VPS13B: variants seen among roughly 807,000 people sequenced by gnomAD.
VPS13B encodes the protein vacuolar protein sorting 13 homolog B.
VPS13B carries 285 observed loss-of-function variants against 426.4 expected under a neutral mutation model. The observed-to-expected ratio is 0.67, with a 90% CI of 0.61 to 0.74. The LOEUF (loss-of-function observed/expected upper bound fraction) is 0.74. VPS13B is among the 30% of genes least tolerant of loss of function. The pLI, the probability that VPS13B is intolerant of heterozygous loss-of-function variation, is 0.00. For synonymous variants in VPS13B, 1,676 were observed against 1,676.4 expected, an observed-to-expected ratio of 1.00 and a Z score of 0.01; for missense variants, 4,537 against 4,782.6, an observed-to-expected ratio of 0.95 and a Z score of 1.51.
Position 99,875,825 on chromosome 8 carries a change from C to A in VPS13B, c.*159C>A. Reference sequence around the variant, plus strand: ...AGCTACGACTGCAAGCACCTGCCACCATAAAGGGCTGCATTTTGCCACCAT... The same window carrying A: ...AGCTACGACTGCAAGCACCTGCCACAATAAAGGGCTGCATTTTGCCACCAT... On this transcript the variant is annotated 3_prime_UTR_variant, in exon 62 of 62. Coordinates refer to ENST00000357162, the MANE Select transcript of VPS13B (RefSeq NM_152564.5). 1.1e-6 allele frequency: 1 copy of A among 904,264 alleles called. No individual in the cohort carries two copies. Among genetic ancestry groups the A allele is most frequent in the Non-Finnish European group, 1.7e-6 (1 of 595,796 alleles). 56.0% of individuals were successfully genotyped at this position (904,264 alleles called of 1,614,324 possible). A position where few individuals can be genotyped will look rare whatever the true frequency, so the allele number is the denominator to read the frequency against.
chr8:99,348,748 A>G (rs1374770373), intron 19 of VPS13B, among the ~76,000 whole-genome samples: 1 of 152,148 alleles, frequency 6.6e-6, no homozygotes, highest in Non-Finnish European at 1.5e-5. Flanking sequence ...TTTTTCAGTA[A>G]TTTATAGTGT....
At chr8:99,254,114 C>G (rs941982117) in intron 17 of VPS13B, among the ~76,000 whole-genome samples, 1 of 152,274 alleles carries the variant, frequency 6.6e-6, no homozygotes, top group East Asian at 1.9e-4. Flanking sequence ...TCTGTGTACT[C>G]TATTTTTGCT....
At chr8:99,486,187 T>C (rs1820299648) in intron 25 of VPS13B, among the ~76,000 whole-genome samples, 1 of 152,120 alleles carries the variant, frequency 6.6e-6, no homozygotes. Context: ...ATATAAGTAG[T>C]ATGCACGACG....
chr8:99,418,096 C>T (rs1816135725), intron 21 of VPS13B, among the ~76,000 whole-genome samples: 1 of 152,074 alleles, frequency 6.6e-6, no homozygotes, highest in Admixed American at 6.5e-5. Flanking sequence ...AATCTCAAAG[C>T]TTCTTCAAAT....
intron 22 of VPS13B, among the ~76,000 whole-genome samples, chr8:99,436,519 CATA>C (rs1796311971): frequency 6.6e-6 from 1 of 152,074 alleles, no homozygotes; most frequent in Non-Finnish European, 1.5e-5. Context: ...TATCAGTTAA[CATA>C]ATCATTGCAG....
chr8:99,831,104 G>A (rs111370439), intron 51 of VPS13B, among the ~76,000 whole-genome samples: 1,326 of 103,396 alleles, frequency 0.013, 22 homozygotes, highest in African/African-American at 0.046. Context: ...ATAGAGTCTC[G>A]CCCTGTCACC....
intron 23 of VPS13B, among the ~76,000 whole-genome samples, chr8:99,451,667 T>A (rs1044178690): frequency 2.0e-5 from 3 of 152,230 alleles, no homozygotes; most frequent in African/African-American, 7.2e-5. Context: ...ATACATTTTC[T>A]TTCCTTGGTC....
chr8:99,319,238 G>A (rs75685971), intron 19 of VPS13B, among the ~76,000 whole-genome samples: 9,464 of 152,180 alleles, frequency 0.062, 393 homozygotes, highest in African/African-American at 0.12. Context: ...GTGTATATGT[G>A]TTGCATATTG....
At chr8:99,605,389 T>C (rs1027097548) in intron 33 of VPS13B, among the ~76,000 whole-genome samples, 6 of 152,182 alleles carry the variant, frequency 3.9e-5, no homozygotes, top group African/African-American at 1.4e-4. Context: ...TCTAATTTTG[T>C]GAAATTTGAG....
rs75764433 is a variant in VPS13B at position 99,447,253 on chromosome 8, G to T, written c.3445+4618G>T. ...CAGAACCATTTGAAACTAAATTCTT[G>T]ATAAAAGGTTTTTATGCCACTTAGA... On this transcript the variant is annotated intron_variant, in intron 23 of 61. Coordinates refer to ENST00000357162, the MANE Select transcript of VPS13B (RefSeq NM_152564.5). Among the ~76,000 whole-genome samples, 586 of 152,224 alleles carry T rather than the reference G, an allele frequency of 3.8e-3. 5 individuals are homozygous for T. Among genetic ancestry groups the T allele is most frequent in the African/African-American group, 0.013 (521 of 41,562 alleles).
intron 19 of VPS13B, among the ~76,000 whole-genome samples, chr8:99,360,340 C>T (rs1465000459): frequency 4.0e-5 from 6 of 149,544 alleles, no homozygotes; most frequent in Middle Eastern, 3.4e-3. Flanking sequence ...TGCAGTGGCA[C>T]GATCTCAGCT....
At chr8:99,163,450 G>T (rs1811793461) in intron 15 of VPS13B, among the ~76,000 whole-genome samples, 1 of 152,230 alleles carries the variant, frequency 6.6e-6, no homozygotes. Flanking sequence ...GGAATAGGGG[G>T]TGGTGCTCGT....
chr8:99,521,093 GTAGAAA>G, intron 30 of VPS13B, 83 bp downstream of exon 30: 1 of 1,102,320 alleles, frequency 9.1e-7, no homozygotes, highest in African/African-American at 1.5e-5. Flanking sequence ...AGTGTGGCCT[GTAGAAA>G]TATTTCTCAT....
chr8:99,558,673 C>T (rs1007067107), intron 31 of VPS13B, among the ~76,000 whole-genome samples: 2 of 151,892 alleles, frequency 1.3e-5, no homozygotes, highest in Non-Finnish European at 2.9e-5. Flanking sequence ...GGTTTTCTGT[C>T]CTTGCAATAG....
intron 30 of VPS13B, chr8:99,536,808 T>A (rs373749237): frequency 9.8e-5 from 51 of 521,134 alleles, no homozygotes; most frequent in Middle Eastern, 6.4e-4. Flanking sequence ...ACAACCTCAG[T>A]GTTTCCAGGT....
intron 19 of VPS13B, among the ~76,000 whole-genome samples, chr8:99,306,098 A>C (rs1219271742): frequency 6.6e-6 from 1 of 152,116 alleles, no homozygotes; most frequent in East Asian, 1.9e-4. Context: ...TGGATTCTTT[A>C]AGTCAATTTA....
At chr8:99,084,647 T>C (rs1052582208) in intron 3 of VPS13B, among the ~76,000 whole-genome samples, 26 of 152,224 alleles carry the variant, frequency 1.7e-4, no homozygotes, top group African/African-American at 6.3e-4. Flanking sequence ...GATTCTGGTA[T>C]GTTGTGTCTT....
intron 17 of VPS13B, among the ~76,000 whole-genome samples, chr8:99,261,998 A>C (rs1818065211): frequency 6.6e-6 from 1 of 152,198 alleles, no homozygotes; most frequent in Non-Finnish European, 1.5e-5. Flanking sequence ...TGTTTAAAAA[A>C]AAGAATTACA....
chr8:99,807,821 T>C (rs1481729940), intron 43 of VPS13B, among the ~76,000 whole-genome samples: 1 of 150,064 alleles, frequency 6.7e-6, no homozygotes, highest in Non-Finnish European at 1.5e-5. Context: ...TGAGGCCATA[T>C]TAACAGCAGG....
Sources: allele counts gnomAD v4.1 joint callset (sites outside exome capture counted in the v4.1 genomes callset), GRCh38; gene constraint gnomAD v4.1.1; transcripts MANE v1.5; gene names NCBI Gene and HGNC (gene_info 2026-07-23, HGNC 2026-07-21).